Variants in GLIS3 observed in about 807,000 individuals in gnomAD.
The protein encoded by GLIS3 is GLIS family zinc finger 3, also known as zinc finger protein GLIS3.
A neutral mutation model predicts 78.6 loss-of-function variants in GLIS3; 53 were observed. The observed-to-expected ratio is 0.67, with a 90% CI of 0.54 to 0.85. GLIS3 has a LOEUF of 0.85. Among genes scored for constraint, GLIS3 ranks in the 40% least tolerant of loss-of-function variants. The pLI is 0.00. For synonymous variants in GLIS3, 684 were observed against 509.9 expected, an observed-to-expected ratio of 1.34 and a Z score of -4.60; for missense variants, 1,703 against 1,231.1, an observed-to-expected ratio of 1.38 and a Z score of -5.74.
chr9:3,926,748 A>T (rs1342985731), intron 6 of GLIS3, among the ~76,000 whole-genome samples: 1 of 151,136 alleles, frequency 6.6e-6, no homozygotes, highest in Non-Finnish European at 1.5e-5. Flanking sequence ...TCAGCCTCCC[A>T]AGTAGCTGGG....
At chr9:4,216,958 A>C (rs1191138953) in intron 2 of GLIS3, among the ~76,000 whole-genome samples, 3 of 152,204 alleles carry the variant, frequency 2.0e-5, no homozygotes, top group Non-Finnish European at 4.4e-5. Context: ...CAATACATTA[A>C]CAAGTGAACA....
chr9:4,169,562 G>T (rs992562696), intron 2 of GLIS3, among the ~76,000 whole-genome samples: 1 of 152,172 alleles, frequency 6.6e-6, no homozygotes, highest in Non-Finnish European at 1.5e-5. Flanking sequence ...ACTCTCTAAG[G>T]TCTGTATATT....
intron 2 of GLIS3, among the ~76,000 whole-genome samples, chr9:4,166,116 G>A (rs755115502): frequency 6.6e-6 from 1 of 152,168 alleles, no homozygotes. Flanking sequence ...TACTCCCTCT[G>A]GCAAATGCAG....
chr9:3,976,003 C>A (rs781415692), intron 4 of GLIS3, among the ~76,000 whole-genome samples: 2 of 152,102 alleles, frequency 1.3e-5, no homozygotes, highest in Non-Finnish European at 2.9e-5. Flanking sequence ...CAGGTCCTGG[C>A]GGGCCATATG....
chr9:4,287,200 C>T (rs933552849), intron 1 of GLIS3, among the ~76,000 whole-genome samples: 7 of 152,294 alleles, frequency 4.6e-5, no homozygotes, highest in South Asian at 2.1e-4. Context: ...CAACCTTCCA[C>T]TAAAATCCTA....
chr9:4,189,881 T>G (rs1818170368), intron 2 of GLIS3, among the ~76,000 whole-genome samples: 1 of 152,142 alleles, frequency 6.6e-6, no homozygotes, highest in South Asian at 2.1e-4. Context: ...ATTATGAGCC[T>G]ATGTGTGTCT....
chr9:4,218,997 G>T (rs992253006), intron 2 of GLIS3, among the ~76,000 whole-genome samples: 1 of 152,200 alleles, frequency 6.6e-6, no homozygotes, highest in Non-Finnish European at 1.5e-5. Flanking sequence ...GGTCATTACT[G>T]TATCCCTATT....
chr9:4,392,103 T>C, the GLIS3 span, among the ~76,000 whole-genome samples: 40 of 152,228 alleles, frequency 2.6e-4, no homozygotes, highest in African/African-American at 8.9e-4. Context: ...TGCAGGGACA[T>C]GGATGAACCT....
At chr9:4,267,608 C>G (rs973904787) in intron 2 of GLIS3, among the ~76,000 whole-genome samples, 2 of 152,224 alleles carry the variant, frequency 1.3e-5, no homozygotes, top group African/African-American at 2.4e-5. Flanking sequence ...TCTGGCACAT[C>G]TTAGGAAACT....
intron 2 of GLIS3, among the ~76,000 whole-genome samples, chr9:4,234,089 A>C (rs191603387): frequency 1.9e-3 from 296 of 152,206 alleles, no homozygotes; most frequent in Non-Finnish European, 2.5e-3. Flanking sequence ...GGTCAGTATG[A>C]CTGTCCATCC....
the GLIS3 span, among the ~76,000 whole-genome samples, chr9:4,386,215 G>C: frequency 1.1e-4 from 17 of 152,166 alleles, no homozygotes; most frequent in African/African-American, 9.7e-5. Flanking sequence ...CTCAGAAGGA[G>C]CTTTGGTTAC....
At chr9:4,323,364 T>C (rs1817564349) in intron 2 of GLIS3, among the ~76,000 whole-genome samples, 1 of 152,186 alleles carries the variant, frequency 6.6e-6, no homozygotes, top group African/African-American at 2.4e-5. Flanking sequence ...TGCTTTTAAA[T>C]TTCATAAGAA....
intron 4 of GLIS3, among the ~76,000 whole-genome samples, chr9:3,960,280 C>T (rs547164607): frequency 1.3e-5 from 2 of 152,288 alleles, no homozygotes; most frequent in South Asian, 4.2e-4. Flanking sequence ...CCTCTTCTCA[C>T]AGCCCTCAGA....
intron 9 of GLIS3, among the ~76,000 whole-genome samples, chr9:3,833,818 G>A (rs747236576): frequency 6.6e-6 from 1 of 152,114 alleles, no homozygotes; most frequent in Non-Finnish European, 1.5e-5. Flanking sequence ...AGGAGTGGAG[G>A]AACTTGCAGA....
intron 2 of GLIS3, among the ~76,000 whole-genome samples, chr9:4,217,432 G>C (rs1353576475): frequency 6.6e-6 from 1 of 152,126 alleles, no homozygotes; most frequent in South Asian, 2.1e-4. Context: ...CTCTTTCCAA[G>C]CGGGGACATC....
At chr9:4,292,209 G>T (rs976152339) in intron 1 of GLIS3, among the ~76,000 whole-genome samples, 1 of 152,160 alleles carries the variant, frequency 6.6e-6, no homozygotes, top group South Asian at 2.1e-4. Context: ...GGTGGTCCAT[G>T]AAATTAATTG....
intron 2 of GLIS3, among the ~76,000 whole-genome samples, chr9:4,212,168 C>T (rs1013182727): frequency 1.1e-4 from 17 of 152,144 alleles, no homozygotes; most frequent in African/African-American, 3.9e-4. Flanking sequence ...AATTATACCT[C>T]GATTTTTAAA....
intron 9 of GLIS3, among the ~76,000 whole-genome samples, chr9:3,838,126 C>G (rs1021233008): frequency 6.6e-6 from 1 of 152,114 alleles, no homozygotes; most frequent in African/African-American, 2.4e-5. Flanking sequence ...CCTTCCCCAC[C>G]AAAATATGTA....
chr9:4,078,067 C>T (rs367656487), intron 4 of GLIS3, among the ~76,000 whole-genome samples: 1 of 152,100 alleles, frequency 6.6e-6, no homozygotes, highest in South Asian at 2.1e-4. Context: ...CTTCATTGGA[C>T]CCTGAATGAT....
Sources: allele counts gnomAD v4.1 joint callset (sites outside exome capture counted in the v4.1 genomes callset), GRCh38; gene constraint gnomAD v4.1.1; transcripts MANE v1.5; gene names NCBI Gene and HGNC (gene_info 2026-07-23, HGNC 2026-07-21).